The following ESR2 variants were observed in gnomAD, a reference collection of about 807,000 sequenced individuals.
ESR2 encodes the protein estrogen receptor beta.
In ESR2, 36 loss-of-function variants were observed where a neutral mutation model predicts 49.6. The ratio of observed to expected loss-of-function variants is 0.73; its 90% CI spans 0.56 to 0.96. The LOEUF (loss-of-function observed/expected upper bound fraction) is 0.96. Ranked by LOEUF, ESR2 falls within the 40% of genes least tolerant of loss-of-function variation. ESR2 has a pLI of 0.00. For missense variants in ESR2, 714 were observed against 693.0 expected, an observed-to-expected ratio of 1.03 and a Z score of -0.34; for synonymous variants, 320 against 266.1, an observed-to-expected ratio of 1.20 and a Z score of -1.97.
chr14:64,287,864 T>C (rs1000889810), intron 1 of ESR2, among the ~76,000 whole-genome samples: 10 of 152,326 alleles, frequency 6.6e-5, no homozygotes, highest in African/African-American at 1.9e-4. Flanking sequence ...ATCGATTGAA[T>C]GTTCAAACAT....
intron 7 of ESR2, among the ~76,000 whole-genome samples, chr14:64,245,259 G>C (rs567318928): frequency 1.3e-5 from 2 of 151,886 alleles, no homozygotes; most frequent in South Asian, 4.2e-4. Flanking sequence ...GCCAGGCGAG[G>C]GCCCAGCACT....
In ESR2 at chr14:64,257,531, G is replaced by A. The variant is rs989036210; in HGVS notation, c.953-167C>T. On this transcript the variant is annotated intron_variant, in intron 5 of 8. Transcript: ENST00000341099. ...CTCATTAAAGGAAGAAAACTTTGAA[G>A]TTAAGCTGCGCAACTTAGTTTCCAG... 8.6e-6 allele frequency: 7 copies of A among 811,764 alleles called. No individual in the cohort carries two copies. The African/African-American group carries it at 1.2e-4, about 14-fold the overall frequency. The allele number at this position is 811,764 out of a possible 1,614,324, so 50.3% of individuals were successfully genotyped here. A position where few individuals can be genotyped will look rare whatever the true frequency, so the allele number is the denominator to read the frequency against.
At chr14:64,272,398 A>T (rs1459965383) in intron 3 of ESR2, among the ~76,000 whole-genome samples, 1 of 152,114 alleles carries the variant, frequency 6.6e-6, no homozygotes, top group Non-Finnish European at 1.5e-5. Flanking sequence ...TTTTAACTTG[A>T]TGTGATTCCA....
chr14:64,276,644 C>G (rs2076563665), intron 3 of ESR2, among the ~76,000 whole-genome samples: 1 of 151,984 alleles, frequency 6.6e-6, no homozygotes, highest in Non-Finnish European at 1.5e-5. Flanking sequence ...TTTTTCAAAA[C>G]TTCATGAACA....
upstream of ESR2, among the ~76,000 whole-genome samples, chr14:64,296,720 A>G (rs1001717870): frequency 6.6e-6 from 1 of 152,220 alleles, no homozygotes. Context: ...TTCCTTCAGA[A>G]GGCATTCTAC....
rs147969482 is a variant in ESR2 at position 64,239,932 on chromosome 14, T to A, written c.1226-4782A>T. ...ACCATGGATCAGACCTTTGATTAAC[T>A]ATTTGAGTATATATCCCATTCTAGA... On this transcript the variant is annotated intron_variant, in intron 7 of 8. Coordinates refer to ENST00000341099, the MANE Select transcript of ESR2 (RefSeq NM_001437.3). Among the ~76,000 whole-genome samples, 29 of 152,366 alleles carry A rather than the reference T, an allele frequency of 1.9e-4. No homozygotes were observed. The East Asian group carries it at 2.3e-3, about 12-fold the overall frequency.
At chr14:64,264,665 G>C (rs1410754100) in intron 4 of ESR2, among the ~76,000 whole-genome samples, 5 of 152,034 alleles carry the variant, frequency 3.3e-5, no homozygotes, top group African/African-American at 9.7e-5. Context: ...GAGCCCAGGA[G>C]TTGAAGACTA....
intron 1 of ESR2, among the ~76,000 whole-genome samples, chr14:64,331,623 G>A (rs1348254126): frequency 1.3e-5 from 2 of 152,036 alleles, no homozygotes; most frequent in African/African-American, 2.4e-5. Context: ...TCAGGAGTTC[G>A]AGACTGGCCT....
At chr14:64,227,883 C>T, downstream of ESR2, 3 of 1,597,648 alleles carry the variant, frequency 1.9e-6, no homozygotes, top group South Asian at 1.1e-5. Context: ...TCACATGACT[C>T]TTGGCACTAA....
At chr14:64,297,648 G>A (rs1165879096), upstream of ESR2, 1 of 152,222 alleles carries the variant, frequency 6.6e-6, no homozygotes, top group Non-Finnish European at 1.5e-5. Context: ...GTTTGCTGAA[G>A]CCTTTGACTT....
chr14:64,328,155 G>A (rs2077412315), intron 1 of ESR2, among the ~76,000 whole-genome samples: 1 of 152,130 alleles, frequency 6.6e-6, no homozygotes, highest in African/African-American at 2.4e-5. Context: ...CTGGGAGGTG[G>A]AGGTTGCAGT....
intron 1 of ESR2, among the ~76,000 whole-genome samples, chr14:64,311,001 T>C (rs2077182003): frequency 6.6e-6 from 1 of 152,190 alleles, no homozygotes; most frequent in Non-Finnish European, 1.5e-5. Context: ...CAATTACCAG[T>C]ACATCCTTCC....
At chr14:64,244,523 C>A (rs1256043981) in intron 7 of ESR2, among the ~76,000 whole-genome samples, 4 of 152,138 alleles carry the variant, frequency 2.6e-5, no homozygotes, top group South Asian at 4.1e-4. Context: ...GAAGAGAATT[C>A]TCTCTCTCGG....
At chr14:64,255,320 C>T (rs2076077399) in intron 6 of ESR2, among the ~76,000 whole-genome samples, 1 of 151,770 alleles carries the variant, frequency 6.6e-6, no homozygotes, top group South Asian at 2.1e-4. Flanking sequence ...CCAGTTAAAA[C>T]ACCAAGCAGA....
At chr14:64,233,407 G>GA in intron 8 of ESR2, 84 bp from the exon 9 acceptor site, 1 of 1,388,090 alleles carries the variant, frequency 7.2e-7, no homozygotes, top group African/African-American at 1.4e-5. Flanking sequence ...TCTTTGCTCA[G>GA]AGCCAGTCTA....
chr14:64,329,043 T>C (rs1230307255), intron 1 of ESR2, among the ~76,000 whole-genome samples: 1 of 152,148 alleles, frequency 6.6e-6, no homozygotes, highest in Admixed American at 6.5e-5. Context: ...CCTACAATTA[T>C]TGTAGGAGAA....
intron 1 of ESR2, among the ~76,000 whole-genome samples, chr14:64,308,697 A>T (rs975134100): frequency 8.6e-5 from 13 of 152,030 alleles, no homozygotes; most frequent in African/African-American, 2.9e-4. Context: ...TTTTTTTATT[A>T]ATTATTTTTT....
intron 6 of ESR2, among the ~76,000 whole-genome samples, chr14:64,254,294 G>A (rs1305820965): frequency 6.6e-6 from 1 of 152,148 alleles, no homozygotes; most frequent in African/African-American, 2.4e-5. Flanking sequence ...CGTAATAGAA[G>A]TCTTTATGGA....
chr14:64,301,797 C>A (rs1023399758), intron 1 of ESR2, among the ~76,000 whole-genome samples: 6 of 152,134 alleles, frequency 3.9e-5, no homozygotes, highest in African/African-American at 1.4e-4. Context: ...ATAGAAATGA[C>A]AAATTGCTGT....
Sources: gnomAD v4.1 joint callset for allele counts (sites outside exome capture counted in the v4.1 genomes callset) on GRCh38, gnomAD v4.1.1 for gene constraint, MANE v1.5 for transcripts, NCBI Gene and HGNC (gene_info 2026-07-23, HGNC 2026-07-21) for gene names.